TMEM132C: variants seen among roughly 807,000 people sequenced by gnomAD.
The protein encoded by TMEM132C is transmembrane protein 132C, also known as protein phosphatase 1, regulatory subunit 152.
TMEM132C carries 29 observed loss-of-function variants against 61.4 expected under a neutral mutation model. The observed-to-expected ratio is 0.47, with a 90% CI of 0.35 to 0.64. TMEM132C has a LOEUF of 0.64. Ranked by LOEUF, TMEM132C falls within the 30% of genes least tolerant of loss-of-function variation. The probability of loss-of-function intolerance (pLI) is 0.00; values close to 1 mark genes in which losing one functional copy is unlikely to be tolerated. For missense variants in TMEM132C, 1,408 were observed against 1,476.9 expected, an observed-to-expected ratio of 0.95 and a Z score of 0.76; for synonymous variants, 656 against 633.1, an observed-to-expected ratio of 1.04 and a Z score of -0.54.
intron 1 of TMEM132C, among the ~76,000 whole-genome samples, chr12:128,387,826 A>G (rs1874634694): frequency 1.3e-5 from 2 of 152,094 alleles, no homozygotes; most frequent in African/African-American, 2.4e-5. Context: ...GACAAAAATC[A>G]CGGAGGCAAT....
At chr12:128,594,578 G>A (rs1271638881) in intron 3 of TMEM132C, among the ~76,000 whole-genome samples, 1 of 152,156 alleles carries the variant, frequency 6.6e-6, no homozygotes, top group Non-Finnish European at 1.5e-5. Flanking sequence ...TCCCTCCCAA[G>A]CAAGGCTCGG....
chr12:128,666,678 C>T (rs1289206600), intron 4 of TMEM132C, among the ~76,000 whole-genome samples: 2 of 152,250 alleles, frequency 1.3e-5, no homozygotes, highest in South Asian at 2.1e-4. Context: ...AGACACCAAA[C>T]TACCAGTCAG....
At position 128,659,837 on chromosome 12, in the gene TMEM132C, A is replaced by G. The variant is rs527585544; in HGVS notation, c.1306-9580A>G. Among the ~76,000 whole-genome samples the G allele has an allele frequency of 1.2e-3, 176 of 152,346 alleles. 4 individuals are homozygous for G. Among genetic ancestry groups the G allele is most frequent in the Admixed American group, 0.011 (176 of 15,306 alleles). On this transcript the variant is annotated intron_variant, in intron 4 of 8. Coordinates refer to ENST00000435159, the MANE Select transcript of TMEM132C (RefSeq NM_001136103.3). ...TGGCTTCTCCAGTCCAGGGTGAGAC[A>G]GGCCCTCAGGGCCACTCGTCCACTC... is the stretch of plus-strand genomic sequence containing the variant.
chr12:128,463,571 G>A (rs1028002786), intron 2 of TMEM132C, among the ~76,000 whole-genome samples: 4 of 152,026 alleles, frequency 2.6e-5, no homozygotes, highest in African/African-American at 9.7e-5. Context: ...CACCCACCTC[G>A]GCCTCCCAAA....
chr12:128,405,261 G>A (rs529480170), intron 1 of TMEM132C, among the ~76,000 whole-genome samples: 140 of 152,116 alleles, frequency 9.2e-4, no homozygotes, highest in Non-Finnish European at 1.5e-3. Flanking sequence ...GCAAAGGCTG[G>A]CAACCACTTA....
chr12:128,295,153 A>G (rs756688429), intron 1 of TMEM132C, among the ~76,000 whole-genome samples: 55 of 152,142 alleles, frequency 3.6e-4, no homozygotes, highest in Non-Finnish European at 2.9e-5. Context: ...GAAATTCTGT[A>G]TGGAGCTAGC....
chr12:128,289,685 A>G (rs1871196049), intron 1 of TMEM132C, among the ~76,000 whole-genome samples: 1 of 152,208 alleles, frequency 6.6e-6, no homozygotes. Context: ...AGTCTGCCCT[A>G]TATGATTCTC....
intron 2 of TMEM132C, among the ~76,000 whole-genome samples, chr12:128,425,010 A>T (rs1869129541): frequency 1.3e-5 from 2 of 152,182 alleles, no homozygotes; most frequent in African/African-American, 4.8e-5. Context: ...CTTCAATCAG[A>T]TATGTGGGTT....
chr12:128,548,453 C>T (rs1437894245), intron 3 of TMEM132C, among the ~76,000 whole-genome samples: 1 of 152,158 alleles, frequency 6.6e-6, no homozygotes, highest in Non-Finnish European at 1.5e-5. Flanking sequence ...TGTGAACTGG[C>T]TACGTGGTTT....
At chr12:128,529,131 ATATTT>A (rs1335103873) in intron 2 of TMEM132C, among the ~76,000 whole-genome samples, 2 of 151,608 alleles carry the variant, frequency 1.3e-5, no homozygotes, top group African/African-American at 4.8e-5. Context: ...TAATATAAAA[ATATTT>A]TATATTAATA....
chr12:128,372,616 A>G (rs1161315875), intron 1 of TMEM132C, among the ~76,000 whole-genome samples: 3 of 152,202 alleles, frequency 2.0e-5, no homozygotes, highest in Non-Finnish European at 4.4e-5. Flanking sequence ...AGTTCCAAAA[A>G]GAAGACTTAT....
chr12:128,275,449 C>T (rs1870658086), intron 1 of TMEM132C, among the ~76,000 whole-genome samples: 1 of 152,132 alleles, frequency 6.6e-6, no homozygotes, highest in African/African-American at 2.4e-5. Context: ...CCACTAGCCC[C>T]CAAGATGGGA....
chr12:128,572,068 G>A (rs755621239), intron 3 of TMEM132C, among the ~76,000 whole-genome samples: 1 of 151,768 alleles, frequency 6.6e-6, no homozygotes, highest in Non-Finnish European at 1.5e-5. Context: ...GCTAGTCTCT[G>A]ATTGGCCAGG....
At chr12:128,454,508 A>G (rs79177288) in intron 2 of TMEM132C, among the ~76,000 whole-genome samples, 10,322 of 152,258 alleles carry the variant, frequency 0.068, 432 homozygotes, top group Middle Eastern at 0.11. Context: ...GGTTAAAATG[A>G]CCATTTGGTT....
At chr12:128,522,323 G>A (rs1425062723) in intron 2 of TMEM132C, among the ~76,000 whole-genome samples, 1 of 152,202 alleles carries the variant, frequency 6.6e-6, no homozygotes, top group Non-Finnish European at 1.5e-5. Flanking sequence ...TGCAGTTGGT[G>A]TCTAGAGTTA....
chr12:128,305,011 A>G (rs904291515), intron 1 of TMEM132C, among the ~76,000 whole-genome samples: 1 of 152,124 alleles, frequency 6.6e-6, no homozygotes, highest in Non-Finnish European at 1.5e-5. Flanking sequence ...TTGATTGCCA[A>G]TAGATTCCTG....
At chr12:128,393,349 T>G (rs1281596720) in intron 1 of TMEM132C, among the ~76,000 whole-genome samples, 1 of 152,174 alleles carries the variant, frequency 6.6e-6, no homozygotes, top group Non-Finnish European at 1.5e-5. Context: ...CGTCTCAGGA[T>G]TTCCTCTTTT....
intron 1 of TMEM132C, among the ~76,000 whole-genome samples, chr12:128,280,716 AG>A (rs1175091237): frequency 6.6e-6 from 1 of 152,206 alleles, no homozygotes; most frequent in Non-Finnish European, 1.5e-5. Context: ...CTTCCTTATT[AG>A]GTTCTAATTT....
At chr12:128,327,584 C>T (rs1170461490) in intron 1 of TMEM132C, among the ~76,000 whole-genome samples, 3 of 152,018 alleles carry the variant, frequency 2.0e-5, no homozygotes, top group Non-Finnish European at 2.9e-5. Context: ...GGGGTTTCAC[C>T]GTGTTAGCCA....
Sources: gnomAD v4.1 joint callset for allele counts (sites outside exome capture counted in the v4.1 genomes callset) on GRCh38, gnomAD v4.1.1 for gene constraint, MANE v1.5 for transcripts, NCBI Gene and HGNC (gene_info 2026-07-23, HGNC 2026-07-21) for gene names.